The following C11orf65 variants were observed in gnomAD, a reference collection of about 807,000 sequenced individuals.
C11orf65 encodes protein MFI.
A neutral mutation model predicts 35.3 loss-of-function variants in C11orf65; 38 were observed. The observed-to-expected ratio is 1.08, with a 90% CI of 0.83 to 1.41. C11orf65 has a LOEUF of 1.41. Ranked by LOEUF, C11orf65 falls within the 40% of genes most tolerant of loss-of-function variation. The pLI is 0.00. For synonymous variants in C11orf65, 105 were observed against 114.4 expected (o/e 0.92, Z 0.53); for missense variants, 370 against 367.1 (o/e 1.01, Z -0.06).
At chr11:108,328,941 G>A (rs1280257381), downstream of C11orf65, 10 of 1,386,794 alleles carry the variant, frequency 7.2e-6, no homozygotes, top group East Asian at 2.0e-4. Context: ...AAATTTTAGT[G>A]TATTACCTTA....
chr11:108,308,684 G>A (rs1229955570), exon 7 of C11orf65: 1 of 286,522 alleles, frequency 3.5e-6, no homozygotes, highest in East Asian at 7.4e-5. Flanking sequence ...GGTAGGGGTG[G>A]TTGGTAAAGA....
chr11:108,373,443 AC>A, intron 2 of C11orf65, among the ~76,000 whole-genome samples: 1 of 152,338 alleles, frequency 6.6e-6, no homozygotes, highest in East Asian at 1.9e-4. Context: ...TGCCACTCTT[AC>A]CACTTCTATC....
rs762744146 is a variant in C11orf65, at chr11:108,343,371, G to T, written c.227-8079C>A. The T allele has an allele frequency of 6.2e-7, 1 of 1,613,716 alleles. No individual in the cohort carries two copies. Among genetic ancestry groups the T allele is most frequent in the Non-Finnish European group, 8.5e-7 (1 of 1,179,800 alleles). On this transcript the variant is annotated intron_variant, in intron 2 of 3. Coordinates refer to the C11orf65 transcript ENST00000524755. ...CCTTTCAGTGCCAAAAGAAAATGAT[G>T]GTGAGTGACACCCAAAATTAAAGGT... is the stretch of plus-strand genomic sequence containing the variant.
upstream of C11orf65, among the ~76,000 whole-genome samples, chr11:108,469,281 A>G (rs1002090893): frequency 5.9e-5 from 9 of 151,904 alleles, no homozygotes; most frequent in Non-Finnish European, 1.3e-4. Context: ...ACTGAATTGT[A>G]CAATTGAAAC....
chr11:108,337,941 A>G (rs1282630791), intron 2 of C11orf65, among the ~76,000 whole-genome samples: 5 of 152,284 alleles, frequency 3.3e-5, no homozygotes, highest in African/African-American at 1.2e-4. Context: ...CAAAAAAGCA[A>G]ATGCCTGACC....
chr11:108,412,430 G>A (rs1316540932), intron 3 of C11orf65, among the ~76,000 whole-genome samples: 2 of 152,118 alleles, frequency 1.3e-5, no homozygotes, highest in African/African-American at 4.8e-5. Context: ...GGGCAGATCA[G>A]AGACTGTCAG....
intron 3 of C11orf65, among the ~76,000 whole-genome samples, chr11:108,408,491 C>T (rs2092587980): frequency 6.6e-6 from 1 of 151,652 alleles, no homozygotes; most frequent in Admixed American, 6.6e-5. Context: ...GCCTGGCCAA[C>T]ATGGTGAAAC....
intron 3 of C11orf65, chr11:108,331,600 C>T (rs1365478835): frequency 1.4e-6 from 2 of 1,471,282 alleles, no homozygotes; most frequent in African/African-American, 1.4e-5. Flanking sequence ...TATTTTTATT[C>T]TATTATTACT....
intron 2 of C11orf65, among the ~76,000 whole-genome samples, chr11:108,337,560 T>A (rs538956417): frequency 2.4e-4 from 36 of 152,328 alleles, no homozygotes; most frequent in African/African-American, 7.7e-4. Context: ...TGTGCGTTTC[T>A]AGCAAGATAC....
chr11:108,317,650 TATACAC>T lies in C11orf65; in HGVS notation c.641-8585_641-8580del, dbSNP rs1454446820. 618 of 130,384 alleles carry T rather than the reference TATACAC, an allele frequency of 4.7e-3. 4 individuals carry two copies. The highest frequency in any genetic ancestry group is 0.026 in the African/African-American group (571 of 21,912). The allele number at this position is 130,384 out of a possible 1,614,324, so 8.1% of individuals were successfully genotyped here. On this transcript the variant is annotated intron_variant, in intron 6 of 6. Coordinates refer to the C11orf65 transcript ENST00000525729. The stretch of plus-strand genomic sequence containing the variant: ...ATATATATATATATATATATATATA[TATACAC>T]ACACACACACACACACACTATATAT...
At chr11:108,344,355 C>G (rs769559897) in intron 2 of C11orf65, among the ~76,000 whole-genome samples, 36 of 151,956 alleles carry the variant, frequency 2.4e-4, no homozygotes, top group Admixed American at 2.0e-4. Flanking sequence ...AGCATATAAG[C>G]AAAGGAGAGG....
chr11:108,432,802 T>C (rs987148772), intron 2 of C11orf65, among the ~76,000 whole-genome samples: 2 of 152,148 alleles, frequency 1.3e-5, no homozygotes, highest in Admixed American at 1.3e-4. Flanking sequence ...AAACTCCAAA[T>C]TGAGTATCAA....
downstream of C11orf65, among the ~76,000 whole-genome samples, chr11:108,377,952 C>T (rs1278311304): frequency 6.6e-6 from 1 of 151,512 alleles, no homozygotes; most frequent in Non-Finnish European, 1.5e-5. Context: ...TCAAGGAGAA[C>T]TACAAACCAC....
intron 3 of C11orf65, chr11:108,332,081 A>T: frequency 6.2e-7 from 1 of 1,601,206 alleles, no homozygotes; most frequent in Non-Finnish European, 8.5e-7. Flanking sequence ...TGTGATATTC[A>T]GTCTTTCCTA....
At chr11:108,370,338 T>C (rs1361413506) in intron 2 of C11orf65, among the ~76,000 whole-genome samples, 2 of 152,100 alleles carry the variant, frequency 1.3e-5, no homozygotes, top group African/African-American at 2.4e-5. Flanking sequence ...TGGATTCTTT[T>C]GGATTTTCTA....
intron 2 of C11orf65, among the ~76,000 whole-genome samples, chr11:108,373,961 C>T (rs12272964): frequency 0.026 from 3,960 of 152,314 alleles, 182 homozygotes; most frequent in African/African-American, 0.09. Flanking sequence ...AAGGCTGCAG[C>T]GAGGCTGGCG....
At chr11:108,402,158 AG>A (rs2092450956) in intron 6 of C11orf65, among the ~76,000 whole-genome samples, 1 of 152,204 alleles carries the variant, frequency 6.6e-6, no homozygotes, top group Non-Finnish European at 1.5e-5. Flanking sequence ...GAAATAGTAG[AG>A]GGGGAATCCT....
intron 2 of C11orf65, among the ~76,000 whole-genome samples, chr11:108,452,164 T>G (rs1004255537): frequency 6.6e-6 from 1 of 152,040 alleles, no homozygotes; most frequent in African/African-American, 2.4e-5. Context: ...TGGGATCTAA[T>G]TAAACTAAAG....
chr11:108,403,045 A>G (rs1277577774), intron 6 of C11orf65, among the ~76,000 whole-genome samples: 1 of 152,146 alleles, frequency 6.6e-6, no homozygotes, highest in Non-Finnish European at 1.5e-5. Flanking sequence ...CCAGCTATGA[A>G]CATTCACATA....
Sources: allele counts gnomAD v4.1 joint callset (sites outside exome capture counted in the v4.1 genomes callset), GRCh38; gene constraint gnomAD v4.1.1; transcripts MANE v1.5; gene names NCBI Gene and HGNC (gene_info 2026-07-23, HGNC 2026-07-21).